Variants in TNNI3K observed in about 807,000 individuals in gnomAD.
The protein encoded by TNNI3K is serine/threonine-protein kinase TNNI3K.
A neutral mutation model predicts 114.5 loss-of-function variants in TNNI3K; 140 were observed. That is an observed-to-expected ratio of 1.22 (90% CI 1.07 to 1.41). TNNI3K has a LOEUF of 1.41. TNNI3K is among the 40% of genes most tolerant of loss of function. The pLI is 0.00. For synonymous variants in TNNI3K, 347 were observed against 347.5 expected, an observed-to-expected ratio of 1.00 and a Z score of 0.02; for missense variants, 1,125 against 1,007.6, an observed-to-expected ratio of 1.12 and a Z score of -1.58.
intron 5 of TNNI3K, among the ~76,000 whole-genome samples, chr1:74,314,997 G>A (rs1185666520): frequency 1.3e-5 from 2 of 152,032 alleles, no homozygotes; most frequent in East Asian, 1.9e-4. Flanking sequence ...ATGCCTCTAC[G>A]AAGCCTCTGT....
chr1:74,367,459 C>A, intron 12 of TNNI3K, 117 bp downstream of exon 12: 1 of 1,052,744 alleles, frequency 9.5e-7, no homozygotes, highest in African/African-American at 1.6e-5. Context: ...TAGCCTATGT[C>A]AGATTAGATT....
chr1:74,383,586 T>C (rs1304438943), intron 17 of TNNI3K, among the ~76,000 whole-genome samples: 1 of 152,116 alleles, frequency 6.6e-6, no homozygotes, highest in Non-Finnish European at 1.5e-5. Flanking sequence ...CTTCTCATGC[T>C]ATTAAAATTG....
intron 23 of TNNI3K, among the ~76,000 whole-genome samples, chr1:74,515,134 T>C (rs1570728035): frequency 6.6e-6 from 1 of 152,178 alleles, no homozygotes; most frequent in African/African-American, 2.4e-5. Flanking sequence ...CTCTGGACTT[T>C]TAACCTGCAT....
rs762320576 is a variant in TNNI3K at position 74,463,440 on chromosome 1, G to T, written c.2012-1G>T. 2 of 1,614,048 alleles carry T rather than the reference G, an allele frequency of 1.2e-6. No homozygotes were observed. The highest frequency in any genetic ancestry group is 2.7e-5 in the African/African-American group (2 of 74,934). On this transcript the variant is annotated splice_acceptor_variant, in intron 20 of 24. Transcript: ENST00000326637. LOFTEE classifies it high-confidence loss of function. Reference sequence around the variant, plus strand: ...AACTGACATGACCATTTGGTTTGCAGCGGCTGCGGCAGCAGACATGGCTTA... The same window carrying T: ...AACTGACATGACCATTTGGTTTGCATCGGCTGCGGCAGCAGACATGGCTTA...
chr1:74,459,614 A>G (rs982344939), intron 20 of TNNI3K, among the ~76,000 whole-genome samples: 1 of 152,206 alleles, frequency 6.6e-6, no homozygotes, highest in Non-Finnish European at 1.5e-5. Context: ...TGAAAAAAAT[A>G]ACACCAGATT....
intron 21 of TNNI3K, chr1:74,480,030 A>G: frequency 1.6e-6 from 1 of 608,956 alleles, no homozygotes; most frequent in Non-Finnish European, 2.9e-6. Flanking sequence ...TCCCACATCT[A>G]CTGGCAACCT....
At chr1:74,501,496 G>A (rs1030812394) in intron 23 of TNNI3K, among the ~76,000 whole-genome samples, 1 of 140,818 alleles carries the variant, frequency 7.1e-6, no homozygotes, top group Non-Finnish European at 1.5e-5. Flanking sequence ...TTGTTTGTTT[G>A]TTTGTTTGTT....
intron 7 of TNNI3K, 83 bp downstream of exon 7, chr1:74,336,232 T>A: frequency 6.8e-7 from 1 of 1,475,728 alleles, no homozygotes; most frequent in Non-Finnish European, 8.9e-7. Context: ...TAGAGAATAA[T>A]CTTGAAGTTG....
At chr1:74,454,736 C>T (rs1667160908) in intron 20 of TNNI3K, among the ~76,000 whole-genome samples, 1 of 152,070 alleles carries the variant, frequency 6.6e-6, no homozygotes, top group Non-Finnish European at 1.5e-5. Context: ...ATATACCTGG[C>T]AGTGGGATTG....
Position 74,439,691 on chromosome 1 carries a change from A to AT in TNNI3K, c.2011+77dup, listed in dbSNP as rs892103336. 58 of 1,581,970 alleles carry AT rather than the reference A, an allele frequency of 3.7e-5. 1 individual carries two copies. In the African/African-American group the frequency reaches 5.6e-4, roughly 15 times the overall value. Reference sequence around the variant, plus strand: ...ACTGGATTTTTATAACTTCAAGAAAATTTTTTTTCACAAAATGATTAGTCT... The same window carrying AT: ...ACTGGATTTTTATAACTTCAAGAAAATTTTTTTTTCACAAAATGATTAGTCT... On this transcript the variant is annotated intron_variant, in intron 20 of 24. Coordinates refer to ENST00000326637, the MANE Select transcript of TNNI3K (RefSeq NM_015978.3).
chr1:74,288,843 G>A lies in TNNI3K; in HGVS notation c.444+17135G>A, dbSNP rs545495762. 2.9e-3 allele frequency among the ~76,000 whole-genome samples: 436 copies of A among 152,106 alleles called. 5 individuals carry two copies. Among genetic ancestry groups the A allele is most frequent in the African/African-American group, 0.01 (420 of 41,534 alleles). ...TTGGTTGTGGTAATCACTTCACAAT[G>A]TATATATAAATCAGTCAAAGCATCA... On this transcript the variant is annotated intron_variant, in intron 5 of 24. Coordinates refer to ENST00000326637, the MANE Select transcript of TNNI3K (RefSeq NM_015978.3).
At chr1:74,367,129 G>C (rs1662314109) in intron 11 of TNNI3K, 127 bp from the exon 12 acceptor site, 1 of 846,040 alleles carries the variant, frequency 1.2e-6, no homozygotes, top group Non-Finnish European at 1.8e-6. Context: ...AATTTCTATT[G>C]CAATACATTA....
chr1:74,464,247 T>C (rs962795402), intron 21 of TNNI3K, among the ~76,000 whole-genome samples: 8 of 152,170 alleles, frequency 5.3e-5, no homozygotes, highest in African/African-American at 1.9e-4. Context: ...ACCGAGGAGA[T>C]TGCACAACTT....
intron 23 of TNNI3K, among the ~76,000 whole-genome samples, chr1:74,529,247 A>G (rs914506410): frequency 6.6e-6 from 1 of 152,204 alleles, no homozygotes; most frequent in African/African-American, 2.4e-5. Context: ...ATCAAAATTA[A>G]CAACACAATA....
In TNNI3K at chr1:74,354,052, A is replaced by T. The variant is rs1055132474; in HGVS notation, c.1100A>T (p.Asn367Ile). The change falls in exon 11 of 25, where the codon AAT (asparagine) becomes ATT (isoleucine). Residue 367 changes from asparagine (N) to isoleucine (I), a missense_variant. By Grantham distance (149) the Asn-to-Ile change is moderately radical (BLOSUM62 -3). Transcript: ENST00000326637. ...QFLLDNGADM[N>I]LVACDPSRSS... Reference sequence around the variant, plus strand: ...TTACTGGATAATGGAGCTGATATGAATCTAGTGGCTTGTGATCCCAGCAGG... The same window carrying T: ...TTACTGGATAATGGAGCTGATATGATTCTAGTGGCTTGTGATCCCAGCAGG... 1 of 1,613,984 alleles carries T rather than the reference A, an allele frequency of 6.2e-7. No homozygotes were observed. The highest frequency in any genetic ancestry group is 1.3e-5 in the African/African-American group (1 of 74,906).
chr1:74,400,818 T>G (rs1664321062), intron 17 of TNNI3K, among the ~76,000 whole-genome samples: 1 of 152,204 alleles, frequency 6.6e-6, no homozygotes. Context: ...CTGGTGGTAT[T>G]GTGGAAAGAG....
intron 17 of TNNI3K, among the ~76,000 whole-genome samples, chr1:74,388,750 T>C (rs534917062): frequency 6.6e-6 from 1 of 152,364 alleles, no homozygotes; most frequent in South Asian, 2.1e-4. Flanking sequence ...TTTATTTTTA[T>C]TTTTTGATGC....
intron 17 of TNNI3K, among the ~76,000 whole-genome samples, chr1:74,413,765 T>C (rs1664995582): frequency 1.3e-5 from 2 of 152,198 alleles, no homozygotes; most frequent in Admixed American, 6.5e-5. Context: ...TTTCATGTTA[T>C]TTCTTAATAA....
chr1:74,281,334 A>ATGTGTATG (rs1657001341), intron 5 of TNNI3K, among the ~76,000 whole-genome samples: 1 of 147,940 alleles, frequency 6.8e-6, no homozygotes, highest in Non-Finnish European at 1.5e-5. Flanking sequence ...ACAATAATAG[A>ATGTGTATG]TGTGTGTGTG....
Sources: gnomAD v4.1 joint callset for allele counts (sites outside exome capture counted in the v4.1 genomes callset) on GRCh38, gnomAD v4.1.1 for gene constraint, MANE v1.5 for transcripts, NCBI Gene and HGNC (gene_info 2026-07-23, HGNC 2026-07-21) for gene names.